ZFAND3: variants seen among roughly 807,000 people sequenced by gnomAD.
The protein encoded by ZFAND3 is AN1-type zinc finger protein 3.
ZFAND3 carries 10 observed loss-of-function variants against 29.6 expected under a neutral mutation model. The observed-to-expected ratio is 0.34, with a 90% CI of 0.21 to 0.57. ZFAND3 has a LOEUF of 0.57. Among genes scored for constraint, ZFAND3 ranks in the 20% least tolerant of loss-of-function variants. The probability of loss-of-function intolerance (pLI) is 0.86; values close to 1 mark genes in which losing one functional copy is unlikely to be tolerated. For synonymous variants in ZFAND3, 128 were observed against 112.6 expected (o/e 1.14, Z -0.87); for missense variants, 230 against 304.5 (o/e 0.76, Z 1.82).
chr6:37,979,471 G>A (rs1417911078), intron 2 of ZFAND3, among the ~76,000 whole-genome samples: 1 of 152,146 alleles, frequency 6.6e-6, no homozygotes, highest in Non-Finnish European at 1.5e-5. Context: ...TTTGTCTTTT[G>A]GAATTGTGCT....
chr6:38,025,357 C>T (rs1356499331), intron 2 of ZFAND3, among the ~76,000 whole-genome samples: 3 of 152,000 alleles, frequency 2.0e-5, no homozygotes, highest in African/African-American at 7.3e-5. Context: ...TTGTTTTTAT[C>T]CCCCCTTTTT....
At chr6:37,933,685 A>G (rs571046147) in intron 2 of ZFAND3, among the ~76,000 whole-genome samples, 3 of 152,270 alleles carry the variant, frequency 2.0e-5, no homozygotes, top group South Asian at 4.1e-4. Flanking sequence ...AGAGGGCCCA[A>G]CCTGGCTGGG....
chr6:38,117,374 A>T (rs149520936), intron 5 of ZFAND3, among the ~76,000 whole-genome samples: 41 of 148,280 alleles, frequency 2.8e-4, no homozygotes, highest in Admixed American at 8.3e-4. Flanking sequence ...CTTTACAGTC[A>T]CCTTTCCTTC....
At chr6:37,987,665 A>C (rs893196329) in intron 2 of ZFAND3, among the ~76,000 whole-genome samples, 16 of 152,186 alleles carry the variant, frequency 1.1e-4, no homozygotes, top group Admixed American at 9.8e-4. Context: ...CTGTGTAAGC[A>C]CTGCTGTTCT....
intron 1 of ZFAND3, among the ~76,000 whole-genome samples, chr6:37,820,377 C>T (rs993539864): frequency 8.5e-5 from 13 of 152,336 alleles, no homozygotes; most frequent in Admixed American, 7.8e-4. Context: ...CATGTGGAAG[C>T]CAGCCCTTCC....
intron 2 of ZFAND3, among the ~76,000 whole-genome samples, chr6:37,947,732 CA>C (rs1182195797): frequency 9.4e-5 from 2 of 21,240 alleles, no homozygotes; most frequent in Non-Finnish European, 5.6e-4. Context: ...CAGTTGTACA[CA>C]TTTTTTTTTT....
intron 1 of ZFAND3, among the ~76,000 whole-genome samples, chr6:37,912,784 T>C (rs1765546410): frequency 6.6e-6 from 1 of 152,188 alleles, no homozygotes; most frequent in East Asian, 1.9e-4. Context: ...GTCCTGTAGA[T>C]GAATGTTGTA....
intron 1 of ZFAND3, among the ~76,000 whole-genome samples, chr6:37,825,101 A>G (rs554508257): frequency 2.6e-5 from 4 of 152,196 alleles, no homozygotes; most frequent in African/African-American, 7.2e-5. Context: ...CACTGTGTAG[A>G]TCATCTAGCT....
At chr6:38,094,011 G>A (rs1390380487) in intron 4 of ZFAND3, among the ~76,000 whole-genome samples, 1 of 152,102 alleles carries the variant, frequency 6.6e-6, no homozygotes, top group Non-Finnish European at 1.5e-5. Flanking sequence ...ACCCAGAAGG[G>A]TTATTTCTAT....
intron 1 of ZFAND3, among the ~76,000 whole-genome samples, chr6:37,871,467 A>C (rs1181448242): frequency 6.6e-6 from 1 of 152,258 alleles, no homozygotes; most frequent in Non-Finnish European, 1.5e-5. Flanking sequence ...GAGAATATGT[A>C]GCAACTAAAT....
chr6:38,057,622 C>CTATA (rs1182116009), intron 2 of ZFAND3, among the ~76,000 whole-genome samples: 1 of 152,144 alleles, frequency 6.6e-6, no homozygotes, highest in African/African-American at 2.4e-5. Flanking sequence ...TTGCTTTTAG[C>CTATA]TATATGCCCA....
At position 38,107,606 on chromosome 6, in the gene ZFAND3, C is replaced by T. The variant is rs577934569; in HGVS notation, c.362-8966C>T. On this transcript the variant is annotated intron_variant, in intron 4 of 5. Coordinates refer to ENST00000287218, the MANE Select transcript of ZFAND3 (RefSeq NM_021943.3). ...CAGCACTTGGGGAGGCCGAGGTGGGCGGATTACCTCAGGCCAGGAGTTTGA... is the reference window on the plus strand; with the variant it reads ...CAGCACTTGGGGAGGCCGAGGTGGGTGGATTACCTCAGGCCAGGAGTTTGA... Among the ~76,000 whole-genome samples, 6 of 152,232 alleles carry T rather than the reference C, an allele frequency of 3.9e-5. No homozygotes were observed. In the South Asian group the frequency reaches 1.0e-3, roughly 26 times the overall value.
chr6:37,904,452 A>G (rs955430602), intron 1 of ZFAND3, among the ~76,000 whole-genome samples: 24 of 152,202 alleles, frequency 1.6e-4, no homozygotes, highest in African/African-American at 5.5e-4. Flanking sequence ...ATTCATTGGA[A>G]CTTCCAGGTC....
At chr6:37,994,934 AC>A (rs1762825414) in intron 2 of ZFAND3, among the ~76,000 whole-genome samples, 1 of 152,144 alleles carries the variant, frequency 6.6e-6, no homozygotes, top group Non-Finnish European at 1.5e-5. Context: ...AGAGAGGGTG[AC>A]CCTAATGATC....
At chr6:38,113,798 T>TC (rs1260792451) in intron 4 of ZFAND3, among the ~76,000 whole-genome samples, 2 of 152,240 alleles carry the variant, frequency 1.3e-5, no homozygotes, top group African/African-American at 4.8e-5. Flanking sequence ...CTTTATTTTT[T>TC]CCCCCGGCTT....
chr6:38,137,916 G>A (rs562082352), intron 5 of ZFAND3, among the ~76,000 whole-genome samples: 40 of 152,278 alleles, frequency 2.6e-4, no homozygotes, highest in African/African-American at 8.4e-4. Context: ...GGGATCAGTC[G>A]GGGGCTTGCA....
At chr6:38,120,514 C>T (rs897676438) in intron 5 of ZFAND3, among the ~76,000 whole-genome samples, 1 of 151,600 alleles carries the variant, frequency 6.6e-6, no homozygotes, top group African/African-American at 2.4e-5. Context: ...TTAGTACAGA[C>T]AGGGATTCAT....
chr6:38,041,687 C>CTTCTTCTTCTTCTT, intron 2 of ZFAND3, among the ~76,000 whole-genome samples: 1 of 17,230 alleles, frequency 5.8e-5, no homozygotes, highest in Non-Finnish European at 1.1e-4. Context: ...TTCTTCTTCT[C>CTTCTTCTTCTTCTT]CTTCTCCTTC....
chr6:38,151,582 C>T (rs1337392742), intron 5 of ZFAND3, among the ~76,000 whole-genome samples: 1 of 152,180 alleles, frequency 6.6e-6, no homozygotes, highest in East Asian at 1.9e-4. Flanking sequence ...GTGTGGGCAT[C>T]TCAACCTCTC....
Sources: allele counts gnomAD v4.1 joint callset (sites outside exome capture counted in the v4.1 genomes callset), GRCh38; gene constraint gnomAD v4.1.1; transcripts MANE v1.5; gene names NCBI Gene and HGNC (gene_info 2026-07-23, HGNC 2026-07-21).